The following CAMK1D variants were observed in gnomAD, a reference collection of about 807,000 sequenced individuals.
The protein encoded by CAMK1D is calcium/calmodulin dependent protein kinase ID.
A neutral mutation model predicts 47.7 loss-of-function variants in CAMK1D; 9 were observed. The ratio of observed to expected loss-of-function variants is 0.19; its 90% CI spans 0.11 to 0.33. The LOEUF is 0.33. Among genes scored for constraint, CAMK1D ranks in the 10% least tolerant of loss-of-function variants. CAMK1D has a pLI of 1.00. For missense variants in CAMK1D, 291 were observed against 488.7 expected (o/e 0.60, Z 3.81); for synonymous variants, 184 against 184.9 (o/e 0.99, Z 0.04).
chr10:12,821,973 CA>C (rs372931268), intron 8 of CAMK1D, among the ~76,000 whole-genome samples: 3 of 142,134 alleles, frequency 2.1e-5, no homozygotes, highest in African/African-American at 2.6e-5. Flanking sequence ...GACTCTGTCT[CA>C]AAAAAAAAAG....
intron 3 of CAMK1D, among the ~76,000 whole-genome samples, chr10:12,746,706 C>G (rs1417890945): frequency 6.6e-6 from 1 of 152,222 alleles, no homozygotes; most frequent in African/African-American, 2.4e-5. Context: ...GAGCGTTTCA[C>G]AGGAAACAGC....
At chr10:12,552,098 G>A (rs1836602593) in intron 1 of CAMK1D, among the ~76,000 whole-genome samples, 1 of 152,204 alleles carries the variant, frequency 6.6e-6, no homozygotes, top group East Asian at 1.9e-4. Flanking sequence ...GGTTATTAGT[G>A]GAGTTCTGCA....
At chr10:12,695,871 G>A (rs1833274106) in intron 3 of CAMK1D, among the ~76,000 whole-genome samples, 1 of 152,130 alleles carries the variant, frequency 6.6e-6, no homozygotes, top group South Asian at 2.1e-4. Context: ...GAGGTCAGGA[G>A]TTTGACACCA....
intron 3 of CAMK1D, among the ~76,000 whole-genome samples, chr10:12,683,632 A>T (rs1048697529): frequency 6.6e-6 from 1 of 151,958 alleles, no homozygotes; most frequent in Non-Finnish European, 1.5e-5. Flanking sequence ...GCTTCTTGAA[A>T]ACAGGATCAT....
At chr10:12,694,343 AT>A (rs1833141168) in intron 3 of CAMK1D, among the ~76,000 whole-genome samples, 2 of 89,088 alleles carry the variant, frequency 2.2e-5, no homozygotes, top group African/African-American at 4.6e-5. Context: ...TATATAATAT[AT>A]AACATATATA....
intron 2 of CAMK1D, among the ~76,000 whole-genome samples, chr10:12,658,352 G>T (rs2132529642): frequency 6.6e-6 from 1 of 152,074 alleles, no homozygotes; most frequent in Admixed American, 6.5e-5. Flanking sequence ...AGACCTGCCG[G>T]GGTTCAGTAA....
intron 3 of CAMK1D, among the ~76,000 whole-genome samples, chr10:12,722,426 A>G (rs796516723): frequency 6.3e-5 from 9 of 141,860 alleles, no homozygotes; most frequent in African/African-American, 2.2e-4. Flanking sequence ...CAGCCTGGGC[A>G]ACAAAGTGAG....
intron 5 of CAMK1D, among the ~76,000 whole-genome samples, chr10:12,781,339 G>A (rs1486298895): frequency 1.3e-5 from 2 of 152,238 alleles, no homozygotes; most frequent in Non-Finnish European, 2.9e-5. Flanking sequence ...ACCCCAGAAG[G>A]GCCGCACAGC....
intron 3 of CAMK1D, among the ~76,000 whole-genome samples, chr10:12,693,607 G>A (rs1833021216): frequency 6.6e-6 from 1 of 151,714 alleles, no homozygotes; most frequent in South Asian, 2.1e-4. Context: ...ACTCCAAGCA[G>A]TGACAAGGGG....
chr10:12,725,939 T>C (rs1293117733), intron 3 of CAMK1D, among the ~76,000 whole-genome samples: 1 of 151,966 alleles, frequency 6.6e-6, no homozygotes, highest in Non-Finnish European at 1.5e-5. Flanking sequence ...GTATTTTTAG[T>C]ATAGACGGGG....
intron 8 of CAMK1D, among the ~76,000 whole-genome samples, chr10:12,820,785 C>A (rs141900016): frequency 6.6e-6 from 1 of 152,188 alleles, no homozygotes; most frequent in Non-Finnish European, 1.5e-5. Flanking sequence ...AGATGGCTCC[C>A]GCCCCTTTCA....
intron 1 of CAMK1D, among the ~76,000 whole-genome samples, chr10:12,361,233 A>G (rs1449752839): frequency 7.2e-6 from 1 of 139,158 alleles, no homozygotes; most frequent in Non-Finnish European, 1.5e-5. Flanking sequence ...TAATAACAAG[A>G]CTTCCTATTT....
intron 1 of CAMK1D, among the ~76,000 whole-genome samples, chr10:12,495,914 A>C (rs1052584286): frequency 6.6e-6 from 1 of 151,868 alleles, no homozygotes; most frequent in Non-Finnish European, 1.5e-5. Flanking sequence ...TACGACTTCT[A>C]CCTCCTGGGT....
chr10:12,631,156 A>C (rs1258037968), intron 2 of CAMK1D, among the ~76,000 whole-genome samples: 1 of 152,194 alleles, frequency 6.6e-6, no homozygotes, highest in African/African-American at 2.4e-5. Flanking sequence ...TGGAGTTGAG[A>C]ATAGATACTT....
chr10:12,505,296 G>C (rs559795441), intron 1 of CAMK1D, among the ~76,000 whole-genome samples: 1 of 152,230 alleles, frequency 6.6e-6, no homozygotes, highest in Non-Finnish European at 1.5e-5. Context: ...TTTGTAGGTA[G>C]AGGAGCTTGT....
chr10:12,503,762 C>A (rs1477005130), intron 1 of CAMK1D, among the ~76,000 whole-genome samples: 1 of 152,136 alleles, frequency 6.6e-6, no homozygotes, highest in Non-Finnish European at 1.5e-5. Context: ...AGGGTTAGGT[C>A]CATGGGCTCC....
chr10:12,503,076 G>C (rs529375972), intron 1 of CAMK1D, among the ~76,000 whole-genome samples: 7 of 152,324 alleles, frequency 4.6e-5, no homozygotes, highest in African/African-American at 1.4e-4. Context: ...GTATGTATAT[G>C]TGCATACATG....
At chr10:12,642,907 G>A (rs1401170667) in intron 2 of CAMK1D, among the ~76,000 whole-genome samples, 1 of 152,124 alleles carries the variant, frequency 6.6e-6, no homozygotes, top group Admixed American at 6.5e-5. Context: ...AGTCCTGGGA[G>A]GGTAAGTTAC....
At chr10:12,783,224 C>G (rs1191404461) in intron 5 of CAMK1D, among the ~76,000 whole-genome samples, 2 of 152,168 alleles carry the variant, frequency 1.3e-5, no homozygotes, top group Non-Finnish European at 2.9e-5. Flanking sequence ...AACTCCTGAC[C>G]TCACGTGATC....
Sources: allele counts gnomAD v4.1 joint callset (sites outside exome capture counted in the v4.1 genomes callset), GRCh38; gene constraint gnomAD v4.1.1; transcripts MANE v1.5; gene names NCBI Gene and HGNC (gene_info 2026-07-23, HGNC 2026-07-21).